Variants in C12orf60 observed in about 807,000 individuals in gnomAD.
C12orf60 encodes chromosome 12 open reading frame 60, also known as uncharacterized protein C12orf60.
For synonymous variants in C12orf60, 102 were observed against 94.6 expected, an observed-to-expected ratio of 1.08 and a Z score of -0.45; for missense variants, 284 against 283.2, an observed-to-expected ratio of 1.00 and a Z score of -0.02.
chr12:14,808,431 A>G (rs1950086848), intron 1 of C12orf60, among the ~76,000 whole-genome samples: 1 of 152,100 alleles, frequency 6.6e-6, no homozygotes, highest in Non-Finnish European at 1.5e-5. Context: ...CTTTATCCAT[A>G]TCCATGTGGA....
chr12:14,806,018 T>A, intron 1 of C12orf60: 1 of 1,605,682 alleles, frequency 6.2e-7, no homozygotes, highest in Non-Finnish European at 8.5e-7. Flanking sequence ...TCATTTGGTG[T>A]TTCACTGTAT....
At position 14,823,263 on chromosome 12, in the gene C12orf60, T is replaced by C. The variant is rs756579341; in HGVS notation, c.328T>C (p.Ser110Pro). 3 of 1,614,100 alleles carry C rather than the reference T, an allele frequency of 1.9e-6. No homozygotes were observed. Among genetic ancestry groups the C allele is most frequent in the Non-Finnish European group, 2.5e-6 (3 of 1,179,988 alleles). Residue 110 changes from serine to proline, a missense_variant, in exon 2 of 2, where the codon TCA becomes CCA. Coordinates refer to ENST00000330828, the MANE Select transcript of C12orf60 (RefSeq NM_175874.4). ...KSTNVEELHQ[S>P]AKEVFKSAHT... is the part of the protein sequence containing the mutation. ...TACCAATGTAGAGGAGTTGCATCAG[T>C]CAGCTAAAGAAGTATTCAAAAGTGC... is the stretch of plus-strand genomic sequence containing the variant.
At chr12:14,806,450 T>C in intron 1 of C12orf60, 1 of 1,614,206 alleles carries the variant, frequency 6.2e-7, no homozygotes, top group Non-Finnish European at 8.5e-7. Context: ...GCAATTCCTT[T>C]TGGATTTTCA....
intron 1 of C12orf60, among the ~76,000 whole-genome samples, chr12:14,816,868 C>T (rs910059852): frequency 1.3e-5 from 2 of 151,912 alleles, no homozygotes; most frequent in African/African-American, 4.8e-5. Flanking sequence ...CCTCAGCCTC[C>T]CGAGTAGCTG....
intron 1 of C12orf60, among the ~76,000 whole-genome samples, chr12:14,817,443 C>T (rs144754215): frequency 1.1e-3 from 166 of 152,236 alleles, no homozygotes; most frequent in African/African-American, 3.7e-3. Context: ...TGGTGGTTTG[C>T]TGCACCTATT....
intron 1 of C12orf60, among the ~76,000 whole-genome samples, chr12:14,819,625 T>C (rs1221385965): frequency 6.6e-6 from 1 of 152,170 alleles, no homozygotes; most frequent in Admixed American, 6.5e-5. Context: ...TCTTTTATTA[T>C]GTTAGCTGTG....
chr12:14,823,757 G>A lies in C12orf60; in HGVS notation c.*84G>A. 1 of 1,303,618 alleles carries A rather than the reference G, an allele frequency of 7.7e-7. No homozygotes were observed. Among genetic ancestry groups the A allele is most frequent in the Admixed American group, 2.8e-5 (1 of 35,790 alleles). The allele number at this position is 1,303,618 out of a possible 1,614,324, so 80.8% of individuals were successfully genotyped here. A position where few individuals can be genotyped will look rare whatever the true frequency, so the allele number is the denominator to read the frequency against. On this transcript the variant is annotated 3_prime_UTR_variant, in exon 2 of 2. Transcript: ENST00000330828. ...ATAGTAGTTTCTAAGATCTTTTGGT[G>A]CCAAACATGTGCTATGTTAGAACAT...
At chr12:14,814,609 G>T (rs1950189249) in intron 1 of C12orf60, among the ~76,000 whole-genome samples, 1 of 152,262 alleles carries the variant, frequency 6.6e-6, no homozygotes, top group Middle Eastern at 3.4e-3. Context: ...ATATATAAAT[G>T]CAGTTACTTG....
Position 14,823,623 on chromosome 12 carries a change from A to G in C12orf60, c.688A>G (p.Lys230Glu). ...CTTAGAGATCCTCCAAAAAGCGATAAAGACTATGGAAATGAATATTTCTGT... is the reference window on the plus strand; with the variant it reads ...CTTAGAGATCCTCCAAAAAGCGATAGAGACTATGGAAATGAATATTTCTGT... ...PILEILQKAI[K>E]TMEMNISVFK... The change falls in exon 2 of 2, where the codon AAG becomes GAG. Residue 230 changes from lysine (K) to glutamate (E), a missense_variant. By Grantham distance (56) the Lys-to-Glu change is moderately conservative. Transcript: ENST00000330828. 1.9e-6 allele frequency: 3 copies of G among 1,599,066 alleles called. No individual in the cohort carries two copies. Among genetic ancestry groups the G allele is most frequent in the Non-Finnish European group, 2.6e-6 (3 of 1,175,354 alleles).
intron 1 of C12orf60, among the ~76,000 whole-genome samples, chr12:14,813,408 A>C (rs66733764): frequency 0.15 from 22,896 of 152,218 alleles, 2,007 homozygotes; most frequent in Non-Finnish European, 0.2. Context: ...GTCTCCTTTA[A>C]TTCAAATAAA....
intron 1 of C12orf60, among the ~76,000 whole-genome samples, chr12:14,822,229 CT>C (rs762008138): frequency 6.0e-5 from 9 of 149,202 alleles, no homozygotes; most frequent in Non-Finnish European, 1.2e-4. Flanking sequence ...TATTTTGGAG[CT>C]TTCCCTGTTT....
chr12:14,806,371 C>T (rs753092756), intron 1 of C12orf60: 15 of 1,614,044 alleles, frequency 9.3e-6, no homozygotes, highest in Non-Finnish European at 1.3e-5. Context: ...GTTTCCTTTT[C>T]CTTAATATCC....
chr12:14,804,747 CAAG>C (rs1167400280), intron 1 of C12orf60: 1 of 152,126 alleles, frequency 6.6e-6, no homozygotes, highest in Non-Finnish European at 1.5e-5. Context: ...AAAAACAATG[CAAG>C]AAGAGAAAGA....
chr12:14,824,210 C>G lies in C12orf60; in HGVS notation c.*537C>G, dbSNP rs891167843. On this transcript the variant is annotated 3_prime_UTR_variant, in exon 2 of 2. Coordinates refer to ENST00000330828, the MANE Select transcript of C12orf60 (RefSeq NM_175874.4). The stretch of plus-strand genomic sequence containing the variant: ...AGTGAATGAGCAATAATAGACTTTT[C>G]TTGCTTATGTGAGTAAGACCAGAAC... 1 of 152,252 alleles carries G rather than the reference C, an allele frequency of 6.6e-6. No individual in the cohort carries two copies. The highest frequency in any genetic ancestry group is 6.5e-5 in the Admixed American group (1 of 15,286). 9.4% of individuals were successfully genotyped at this position (152,252 alleles called of 1,614,324 possible).
At chr12:14,810,552 A>G (rs1361204095) in intron 1 of C12orf60, among the ~76,000 whole-genome samples, 4 of 152,246 alleles carry the variant, frequency 2.6e-5, no homozygotes, top group Non-Finnish European at 5.9e-5. Flanking sequence ...AGACAGATTT[A>G]TAACTGTAAT....
chr12:14,821,157 GTTTTCC>G (rs979535759), intron 1 of C12orf60, among the ~76,000 whole-genome samples: 1 of 151,886 alleles, frequency 6.6e-6, no homozygotes, highest in African/African-American at 2.4e-5. Context: ...AAATTTCTCT[GTTTTCC>G]TTTTCAAGCC....
At chr12:14,806,280 T>A (rs780879666) in intron 1 of C12orf60, 1 of 1,614,114 alleles carries the variant, frequency 6.2e-7, no homozygotes, top group Non-Finnish European at 8.5e-7. Flanking sequence ...GCCCACAAGT[T>A]TAACAGCGAC....
At chr12:14,810,556 C>A (rs1950120914) in intron 1 of C12orf60, among the ~76,000 whole-genome samples, 1 of 152,128 alleles carries the variant, frequency 6.6e-6, no homozygotes, top group South Asian at 2.1e-4. Context: ...AGATTTATAA[C>A]TGTAATATCA....
intron 1 of C12orf60, among the ~76,000 whole-genome samples, chr12:14,815,155 G>A (rs1950196488): frequency 6.6e-6 from 1 of 152,166 alleles, no homozygotes; most frequent in Non-Finnish European, 1.5e-5. Context: ...GAATCAAAAT[G>A]CCAGACAGGC....
Sources: allele counts gnomAD v4.1 joint callset (sites outside exome capture counted in the v4.1 genomes callset), GRCh38; gene constraint gnomAD v4.1.1; transcripts MANE v1.5; gene names NCBI Gene and HGNC (gene_info 2026-07-23, HGNC 2026-07-21).